PAWR: variants seen among roughly 807,000 people sequenced by gnomAD.
PAWR encodes pro-apoptotic WT1 regulator, also known as PRKC apoptosis WT1 regulator protein.
A neutral mutation model predicts 32.0 loss-of-function variants in PAWR; 23 were observed. The observed-to-expected ratio is 0.72, with a 90% CI of 0.52 to 1.02. PAWR has a LOEUF of 1.02. PAWR is among the 50% of genes least tolerant of loss of function. The pLI is 0.00. For synonymous variants in PAWR, 226 were observed against 187.1 expected (o/e 1.21, Z -1.70); for missense variants, 457 against 437.7 (o/e 1.04, Z -0.39).
chr12:79,619,458 AG>A (rs1356506055), intron 3 of PAWR, among the ~76,000 whole-genome samples: 2 of 152,228 alleles, frequency 1.3e-5, no homozygotes, highest in South Asian at 4.1e-4. Flanking sequence ...CATATCCTGA[AG>A]TTGCTAAGCT....
intron 2 of PAWR, among the ~76,000 whole-genome samples, chr12:79,630,610 G>A (rs895821700): frequency 2.6e-5 from 4 of 152,086 alleles, no homozygotes; most frequent in Non-Finnish European, 5.9e-5. Context: ...GCTTATGCCA[G>A]TAAATTTGGT....
At chr12:79,639,501 G>A (rs1218249719) in intron 2 of PAWR, among the ~76,000 whole-genome samples, 2 of 152,164 alleles carry the variant, frequency 1.3e-5, no homozygotes, top group African/African-American at 4.8e-5. Flanking sequence ...TTTAGTGTCT[G>A]TAAAGTTCAT....
intron 4 of PAWR, among the ~76,000 whole-genome samples, chr12:79,602,018 T>C (rs1335425075): frequency 2.6e-5 from 4 of 152,214 alleles, no homozygotes; most frequent in African/African-American, 9.7e-5. Flanking sequence ...ACAAATTCCC[T>C]AATCCCAGAC....
At chr12:79,604,276 T>C in intron 4 of PAWR, 3 of 993,566 alleles carry the variant, frequency 3.0e-6, no homozygotes, top group Non-Finnish European at 3.6e-6. Flanking sequence ...ACATGAACTA[T>C]AATGCTCAGA....
rs1248801462 is a variant in PAWR at position 79,587,194 on chromosome 12, T to C, written c.*5413A>G. On this transcript the variant is annotated 3_prime_UTR_variant, in exon 7 of 7. Coordinates refer to ENST00000328827, the MANE Select transcript of PAWR (RefSeq NM_002583.4). ...ACTGGCTTGCTAGTGGAATACGTCC[T>C]TATATAGGGACTTGAAGAGTTTATC... The C allele has an allele frequency of 2.6e-5, 4 of 152,070 alleles. No individual in the cohort carries two copies. Among genetic ancestry groups the C allele is most frequent in the African/African-American group, 9.7e-5 (4 of 41,446 alleles). The allele number at this position is 152,070 out of a possible 1,614,324, so 9.4% of individuals were successfully genotyped here.
intron 2 of PAWR, among the ~76,000 whole-genome samples, chr12:79,648,140 T>G (rs1412757718): frequency 6.6e-6 from 1 of 152,172 alleles, no homozygotes; most frequent in Non-Finnish European, 1.5e-5. Context: ...GACCACAGAA[T>G]GGCGACCCCT....
rs1011107967 is a variant in PAWR, at chr12:79,586,242, A to G, written c.*6365T>C. The stretch of plus-strand genomic sequence containing the variant: ...GTTTAATGTGTTATGGAAGGCTAAC[A>G]GTTTTTCAACTTTTCTCAATACTAT... On this transcript the variant is annotated 3_prime_UTR_variant, in exon 7 of 7. Coordinates refer to ENST00000328827, the MANE Select transcript of PAWR (RefSeq NM_002583.4). 1 of 152,572 alleles carries G rather than the reference A, an allele frequency of 6.6e-6. No individual in the cohort carries two copies. The highest frequency in any genetic ancestry group is 1.5e-5 in the Non-Finnish European group (1 of 68,030). 9.5% of individuals were successfully genotyped at this position (152,572 alleles called of 1,614,324 possible).
intron 4 of PAWR, among the ~76,000 whole-genome samples, chr12:79,610,808 A>AC (rs1566001231): frequency 1.3e-5 from 2 of 151,272 alleles, no homozygotes; most frequent in Non-Finnish European, 2.9e-5. Context: ...AAAAAAAAAA[A>AC]CCCACAAATT....
intron 5 of PAWR, among the ~76,000 whole-genome samples, chr12:79,595,141 G>A (rs2136673448): frequency 6.6e-6 from 1 of 152,224 alleles, no homozygotes; most frequent in Non-Finnish European, 1.5e-5. Flanking sequence ...AAAGGAGATG[G>A]CCCAATAGAA....
intron 3 of PAWR, among the ~76,000 whole-genome samples, chr12:79,615,767 G>A (rs779122751): frequency 6.6e-5 from 10 of 152,102 alleles, no homozygotes; most frequent in Non-Finnish European, 1.0e-4. Flanking sequence ...TCATACAGAA[G>A]TTTTTCCAGC....
chr12:79,675,423 A>G (rs1380938728), intron 2 of PAWR, among the ~76,000 whole-genome samples: 1 of 152,166 alleles, frequency 6.6e-6, no homozygotes, highest in Non-Finnish European at 1.5e-5. Context: ...TACCATGAAG[A>G]CACAAGCATG....
intron 4 of PAWR, among the ~76,000 whole-genome samples, chr12:79,602,422 T>C (rs1235598134): frequency 1.3e-5 from 2 of 152,036 alleles, no homozygotes; most frequent in African/African-American, 2.4e-5. Context: ...TATTGGGAGA[T>C]GAGCTAAACG....
chr12:79,673,772 A>G (rs1878026719), intron 2 of PAWR, among the ~76,000 whole-genome samples: 1 of 152,208 alleles, frequency 6.6e-6, no homozygotes, highest in Admixed American at 6.5e-5. Context: ...ACAAGGTTAA[A>G]TTCTTCTACT....
At chr12:79,629,329 T>A (rs1348375789) in intron 2 of PAWR, among the ~76,000 whole-genome samples, 1 of 152,094 alleles carries the variant, frequency 6.6e-6, no homozygotes, top group Admixed American at 6.6e-5. Flanking sequence ...ACATATCTAA[T>A]GTAAGCTGAA....
At chr12:79,593,758 AGCAGC>A (rs1410135596) in intron 6 of PAWR, among the ~76,000 whole-genome samples, 2 of 140,878 alleles carry the variant, frequency 1.4e-5, no homozygotes, top group African/African-American at 5.3e-5. Context: ...GCTGGAGTGC[AGCAGC>A]GCAATCTTGG....
At chr12:79,656,577 TATG>T (rs1170027397) in intron 2 of PAWR, among the ~76,000 whole-genome samples, 1 of 151,970 alleles carries the variant, frequency 6.6e-6, no homozygotes, top group African/African-American at 2.4e-5. Flanking sequence ...AGGAGAAAAT[TATG>T]ATGATTTAGA....
intron 2 of PAWR, among the ~76,000 whole-genome samples, chr12:79,676,701 C>G (rs1362787582): frequency 6.6e-6 from 1 of 152,130 alleles, no homozygotes; most frequent in Non-Finnish European, 1.5e-5. Flanking sequence ...TTTTTAAGAT[C>G]CTTCACTATT....
chr12:79,649,743 T>C lies in PAWR; in HGVS notation c.517-28536A>G, dbSNP rs142550651. 1.4e-3 allele frequency among the ~76,000 whole-genome samples: 211 copies of C among 152,198 alleles called. 1 individual carries two copies. Among genetic ancestry groups the C allele is most frequent in the African/African-American group, 5.0e-3 (206 of 41,516 alleles). ...GATTTGAGGCTGCAGTGAGCTATGA[T>C]TGCGCCAAGGGACTCCAGCCTGGTG... On this transcript the variant is annotated intron_variant, in intron 2 of 6. Transcript: ENST00000328827.
At chr12:79,672,250 C>G (rs959089730) in intron 2 of PAWR, among the ~76,000 whole-genome samples, 1 of 152,156 alleles carries the variant, frequency 6.6e-6, no homozygotes, top group South Asian at 2.1e-4. Context: ...AGTACTTCCT[C>G]TGCTTCAACC....
Sources: gnomAD v4.1 joint callset for allele counts (sites outside exome capture counted in the v4.1 genomes callset) on GRCh38, gnomAD v4.1.1 for gene constraint, MANE v1.5 for transcripts, NCBI Gene and HGNC (gene_info 2026-07-23, HGNC 2026-07-21) for gene names.